Variants in SKAP2 observed in about 807,000 individuals in gnomAD.
SKAP2 encodes the protein src kinase-associated phosphoprotein 2.
Under a neutral mutation model 54.9 loss-of-function variants are expected in SKAP2, and 28 were observed. The ratio of observed to expected loss-of-function variants is 0.51; its 90% confidence interval spans 0.38 to 0.70. The LOEUF (loss-of-function observed/expected upper bound fraction) is 0.70. SKAP2 is among the 30% of genes least tolerant of loss of function. The probability of loss-of-function intolerance (pLI) is 0.00; values close to 1 mark genes in which losing one functional copy is unlikely to be tolerated. For synonymous variants in SKAP2, 137 were observed against 134.3 expected (o/e 1.02, Z -0.14); for missense variants, 356 against 424.1 (o/e 0.84, Z 1.41).
At chr7:26,751,909 T>A (rs1006488472) in intron 4 of SKAP2, among the ~76,000 whole-genome samples, 10 of 151,676 alleles carry the variant, frequency 6.6e-5, no homozygotes, top group Non-Finnish European at 1.5e-4. Context: ...GGATGGAAGA[T>A]GGAGAAGAAA....
intron 4 of SKAP2, among the ~76,000 whole-genome samples, chr7:26,833,217 AC>A (rs1280830702): frequency 1.3e-5 from 2 of 149,804 alleles, no homozygotes; most frequent in Non-Finnish European, 3.0e-5. Flanking sequence ...ACACGGTGAA[AC>A]CCATCTCTAC....
At chr7:26,722,531 A>G (rs1345383113) in intron 9 of SKAP2, among the ~76,000 whole-genome samples, 1 of 151,510 alleles carries the variant, frequency 6.6e-6, no homozygotes, top group Non-Finnish European at 1.5e-5. Flanking sequence ...AGCTTGGATT[A>G]CAGGCACCTG....
chr7:26,724,670 T>C (rs1226494060), intron 9 of SKAP2, among the ~76,000 whole-genome samples: 1 of 152,172 alleles, frequency 6.6e-6, no homozygotes, highest in Non-Finnish European at 1.5e-5. Context: ...GATTTTTTAA[T>C]AGCCAAAAAA....
At chr7:26,812,645 T>C (rs1199811292) in intron 4 of SKAP2, among the ~76,000 whole-genome samples, 3 of 152,162 alleles carry the variant, frequency 2.0e-5, no homozygotes, top group African/African-American at 7.2e-5. Context: ...TCAAAATGTA[T>C]TGACTCAAAT....
chr7:26,854,145 T>C lies in SKAP2; in HGVS notation c.191A>G (p.Gln64Arg), dbSNP rs112160989. ...CAAACATGAAAACTTACCTTTGTCT[T>C]GAAATTCCTGAAGATAGCTACAAAA... ...DVKSIYLQEFQDKGDAEDGEE... is the reference protein window; with the variant it reads ...DVKSIYLQEFRDKGDAEDGEE... Residue 64 changes from glutamine to arginine, a missense_variant, in exon 3 of 13, where the codon CAA becomes CGA. Coordinates refer to ENST00000345317, the MANE Select transcript of SKAP2 (RefSeq NM_003930.5). 6.3e-7 allele frequency: 1 copy of C among 1,585,208 alleles called. No homozygotes were observed. Among genetic ancestry groups the C allele is most frequent in the Admixed American group, 1.8e-5 (1 of 55,380 alleles).
intron 4 of SKAP2, among the ~76,000 whole-genome samples, chr7:26,794,935 T>G (rs1017114066): frequency 6.6e-6 from 1 of 152,194 alleles, no homozygotes; most frequent in Non-Finnish European, 1.5e-5. Flanking sequence ...TAAAACCCCA[T>G]GTCTCGTTTG....
At chr7:26,748,078 C>T (rs1378164765) in intron 4 of SKAP2, among the ~76,000 whole-genome samples, 2 of 152,142 alleles carry the variant, frequency 1.3e-5, no homozygotes, top group Non-Finnish European at 1.5e-5. Context: ...CTTTAACATA[C>T]ATTTAAGTAT....
intron 9 of SKAP2, among the ~76,000 whole-genome samples, chr7:26,720,121 T>C: frequency 6.6e-6 from 1 of 151,646 alleles, no homozygotes. Context: ...CAAAAGTGTC[T>C]CCAGGCATTG....
chr7:26,798,452 C>T (rs146084632), intron 4 of SKAP2, among the ~76,000 whole-genome samples: 177 of 152,012 alleles, frequency 1.2e-3, no homozygotes, highest in Admixed American at 3.5e-3. Context: ...GAGAATTGGT[C>T]AAGCAGAAGA....
chr7:26,834,741 T>G (rs1028433206), intron 4 of SKAP2, among the ~76,000 whole-genome samples: 1 of 152,118 alleles, frequency 6.6e-6, no homozygotes, highest in Admixed American at 6.5e-5. Flanking sequence ...ACCAGACGGA[T>G]TCACAGCCGA....
At chr7:26,717,041 A>T (rs1408702917) in intron 9 of SKAP2, among the ~76,000 whole-genome samples, 1 of 152,196 alleles carries the variant, frequency 6.6e-6, no homozygotes, top group African/African-American at 2.4e-5. Flanking sequence ...TGAAGCACAT[A>T]TAACGGGCAG....
chr7:26,726,707 T>C (rs773734253), intron 7 of SKAP2, 175 bp downstream of exon 7: 2 of 482,766 alleles, frequency 4.1e-6, no homozygotes, highest in Admixed American at 7.9e-5. Context: ...TGAATTAATC[T>C]GAAATTTTTA....
At chr7:26,756,430 T>C (rs1451956486) in intron 4 of SKAP2, among the ~76,000 whole-genome samples, 1 of 152,194 alleles carries the variant, frequency 6.6e-6, no homozygotes, top group Non-Finnish European at 1.5e-5. Context: ...ATGTGGTGTT[T>C]GGTTTTTTGT....
chr7:26,863,196 T>A (rs1785303593), intron 1 of SKAP2, among the ~76,000 whole-genome samples: 1 of 152,142 alleles, frequency 6.6e-6, no homozygotes, highest in Non-Finnish European at 1.5e-5. Context: ...ATATTAATAA[T>A]GCCAAGCACC....
chr7:26,836,708 G>A (rs1784720344), intron 4 of SKAP2, among the ~76,000 whole-genome samples: 1 of 152,184 alleles, frequency 6.6e-6, no homozygotes, highest in Non-Finnish European at 1.5e-5. Flanking sequence ...AGAGGATGTG[G>A]AGAAATAGGA....
Position 26,813,501 on chromosome 7 carries a change from AC to A in SKAP2, c.307+30528del, listed in dbSNP as rs1374693756. The stretch of plus-strand genomic sequence containing the variant: ...ATTATTCTACCACCACAAAAGGAAA[AC>A]CTTTGGAGGCAGTAAAGGACTATGG... On this transcript the variant is annotated intron_variant, in intron 4 of 12. Coordinates refer to ENST00000345317, the MANE Select transcript of SKAP2 (RefSeq NM_003930.5). Among the ~76,000 whole-genome samples the A allele has an allele frequency of 2.0e-5, 3 of 152,338 alleles. No homozygotes were observed. The East Asian group carries it at 5.8e-4, about 29-fold the overall frequency.
intron 4 of SKAP2, among the ~76,000 whole-genome samples, chr7:26,837,744 G>A (rs1368027823): frequency 6.6e-6 from 1 of 152,140 alleles, no homozygotes; most frequent in Non-Finnish European, 1.5e-5. Context: ...TGCTGATACT[G>A]TTGGTCTACT....
chr7:26,715,063 C>T (rs17310851), intron 9 of SKAP2, among the ~76,000 whole-genome samples: 12,973 of 152,066 alleles, frequency 0.085, 605 homozygotes, highest in Middle Eastern at 0.16. Flanking sequence ...CCTTCTGGTA[C>T]AGTGTTAGGA....
chr7:26,772,475 T>A (rs140555241), intron 4 of SKAP2, among the ~76,000 whole-genome samples: 2 of 152,318 alleles, frequency 1.3e-5, no homozygotes, highest in African/African-American at 4.8e-5. Context: ...AGTGAGAACA[T>A]AGGGTATGTG....
Sources: gnomAD v4.1 joint callset for allele counts (sites outside exome capture counted in the v4.1 genomes callset) on GRCh38, gnomAD v4.1.1 for gene constraint, MANE v1.5 for transcripts, NCBI Gene and HGNC (gene_info 2026-07-23, HGNC 2026-07-21) for gene names.